Variants in ACSL3 observed in about 807,000 individuals in gnomAD.
ACSL3 encodes the protein fatty acid CoA ligase Acsl3.
A neutral mutation model predicts 84.7 loss-of-function variants in ACSL3; 34 were observed. The ratio of observed to expected loss-of-function variants is 0.40; its 90% confidence interval spans 0.31 to 0.53. The LOEUF (loss-of-function observed/expected upper bound fraction) is 0.53. ACSL3 is among the 20% of genes least tolerant of loss of function. ACSL3 has a pLI of 0.48. For missense variants in ACSL3, 680 were observed against 873.1 expected (o/e 0.78, Z 2.79); for synonymous variants, 315 against 299.4 (o/e 1.05, Z -0.54).
chr2:222,915,436 G>A (rs1016219291), intron 4 of ACSL3, among the ~76,000 whole-genome samples: 3 of 152,166 alleles, frequency 2.0e-5, no homozygotes, highest in African/African-American at 2.4e-5. Flanking sequence ...ATGGTCAGAT[G>A]ATTTTAAGGT....
In ACSL3 at chr2:222,908,833, ATTC is replaced by A; in HGVS notation, c.64_66del (p.Leu23del). On this transcript the variant is annotated inframe_deletion, in exon 4 of 17. Transcript: ENST00000357430. ...GAAGCTAAAACATACCATCAACCCT[ATTC>A]TTTTATATTTTATACATTTTCTAAT... The A allele has an allele frequency of 6.2e-7, 1 of 1,604,202 alleles. No individual in the cohort carries two copies. Among genetic ancestry groups the A allele is most frequent in the Non-Finnish European group, 8.5e-7 (1 of 1,174,418 alleles).
At chr2:222,936,937 G>GAA (rs1004111285) in intron 16 of ACSL3, among the ~76,000 whole-genome samples, 81 of 152,168 alleles carry the variant, frequency 5.3e-4, no homozygotes, top group African/African-American at 1.8e-3. Flanking sequence ...ACCATCACGA[G>GAA]AACAACATGG....
Position 222,933,261 on chromosome 2 carries a change from A to G in ACSL3, c.1828A>G (p.Ile610Val). ...GAAGAATCTTCCACTAGTAGATAAC[A>G]TTTGTGCATATGCAAACAGGTAAGA... ...ALKNLPLVDN[I>V]CAYANSYHSY... The change falls in exon 15 of 17, where the codon ATT (isoleucine) becomes GTT (valine). Residue 610 changes from isoleucine (I) to valine (V), a missense_variant. By Grantham distance (29) the Ile-to-Val change is conservative (BLOSUM62 3). Coordinates refer to ENST00000357430, the MANE Select transcript of ACSL3 (RefSeq NM_004457.5). The G allele has an allele frequency of 6.2e-7, 1 of 1,612,010 alleles. No homozygotes were observed. Among genetic ancestry groups the G allele is most frequent in the Non-Finnish European group, 8.5e-7 (1 of 1,178,686 alleles).
chr2:222,929,163 G>GT (rs1277726722), intron 13 of ACSL3, among the ~76,000 whole-genome samples: 1 of 152,150 alleles, frequency 6.6e-6, no homozygotes, highest in Non-Finnish European at 1.5e-5. Flanking sequence ...GTAGATGCAA[G>GT]TAAGAATTAT....
At chr2:222,903,135 G>A (rs1469346989) in intron 3 of ACSL3, among the ~76,000 whole-genome samples, 4 of 152,112 alleles carry the variant, frequency 2.6e-5, no homozygotes, top group Non-Finnish European at 2.9e-5. Flanking sequence ...AAAATTGAAG[G>A]TTGATTTTCT....
intron 11 of ACSL3, among the ~76,000 whole-genome samples, chr2:222,926,764 A>G (rs1217136657): frequency 3.9e-5 from 6 of 152,214 alleles, no homozygotes; most frequent in African/African-American, 1.4e-4. Context: ...GTCACTATAC[A>G]AAACTAAACC....
intron 7 of ACSL3, among the ~76,000 whole-genome samples, chr2:222,919,825 TTGAG>T (rs1183810324): frequency 2.6e-5 from 4 of 152,188 alleles, no homozygotes; most frequent in Admixed American, 1.3e-4. Context: ...CACCTGGAAT[TTGAG>T]TGGTAGTGGG....
intron 2 of ACSL3, among the ~76,000 whole-genome samples, chr2:222,894,843 A>G (rs1695932803): frequency 6.6e-6 from 1 of 152,122 alleles, no homozygotes; most frequent in Middle Eastern, 3.2e-3. Flanking sequence ...CAATGGGTAT[A>G]TATGTTTTTC....
In ACSL3 at chr2:222,928,714, G is replaced by T. The variant is rs551661042; in HGVS notation, c.1466-148G>T. 4.6e-4 allele frequency: 321 copies of T among 699,926 alleles called. 1 individual carries two copies. Among genetic ancestry groups the T allele is most frequent in the South Asian group, 1.5e-3 (82 of 54,974 alleles). 43.4% of individuals were successfully genotyped at this position (699,926 alleles called of 1,614,324 possible). ...TACGACTCTACAGGCCTCACGGCCT[G>T]TGCTTCACCAATATGTGACTTCTGC... On this transcript the variant is annotated intron_variant, in intron 12 of 16. Transcript: ENST00000357430.
At chr2:222,935,272 C>G (rs776159678) in intron 16 of ACSL3, among the ~76,000 whole-genome samples, 5 of 152,134 alleles carry the variant, frequency 3.3e-5, no homozygotes, top group Admixed American at 6.5e-5. Context: ...TTACTGCAGC[C>G]TTGAACTCCC....
intron 14 of ACSL3, among the ~76,000 whole-genome samples, chr2:222,931,049 C>A (rs142833127): frequency 1.2e-4 from 18 of 152,172 alleles, no homozygotes; most frequent in African/African-American, 4.3e-4. Flanking sequence ...TCTTAGATAA[C>A]CTTCAGTCAT....
intron 16 of ACSL3, among the ~76,000 whole-genome samples, chr2:222,937,851 A>G (rs1012976022): frequency 2.6e-5 from 4 of 151,836 alleles, no homozygotes; most frequent in Admixed American, 2.6e-4. Flanking sequence ...TATTTTCTGT[A>G]TATCTTGTAG....
intron 13 of ACSL3, among the ~76,000 whole-genome samples, chr2:222,930,401 C>T (rs1477535045): frequency 2.0e-5 from 3 of 151,964 alleles, no homozygotes; most frequent in Non-Finnish European, 1.5e-5. Context: ...TAATTTTTTT[C>T]TCAGAATAGA....
At chr2:222,939,921 T>C (rs1381597586) in intron 16 of ACSL3, among the ~76,000 whole-genome samples, 2 of 152,232 alleles carry the variant, frequency 1.3e-5, no homozygotes, top group East Asian at 3.8e-4. Context: ...CATTTCCCTT[T>C]GTTAGATTGC....
chr2:222,883,229 G>A (rs1310200966), intron 1 of ACSL3, among the ~76,000 whole-genome samples: 1 of 147,700 alleles, frequency 6.8e-6, no homozygotes, highest in Non-Finnish European at 1.5e-5. Flanking sequence ...TGCCCAGGCT[G>A]GAGTATAGTG....
intron 3 of ACSL3, among the ~76,000 whole-genome samples, chr2:222,903,194 G>T (rs1205259209): frequency 2.0e-5 from 3 of 152,154 alleles, no homozygotes; most frequent in African/African-American, 7.2e-5. Flanking sequence ...CCGGAGTGCA[G>T]TGGCATGATC....
rs535728423 is a variant in ACSL3, at chr2:222,898,090, AG to A, written c.-147-2583del. Among the ~76,000 whole-genome samples, 43 of 152,302 alleles carry A rather than the reference AG, an allele frequency of 2.8e-4. No individual in the cohort carries two copies. The South Asian group carries it at 8.9e-3, about 32-fold the overall frequency. ...TGGAGACCTTCACATTATCAAAACC[AG>A]TGTTTAACTCTCAGGCTTCCTCTTT... On this transcript the variant is annotated intron_variant, in intron 2 of 16. Coordinates refer to ENST00000357430, the MANE Select transcript of ACSL3 (RefSeq NM_004457.5).
In ACSL3 at chr2:222,933,161, T is replaced by C. The variant is rs897530200; in HGVS notation, c.1733-5T>C. The C allele has an allele frequency of 1.3e-6, 2 of 1,593,918 alleles. No homozygotes were observed. Among genetic ancestry groups the C allele is most frequent in the Non-Finnish European group, 8.6e-7 (1 of 1,162,854 alleles). Reference sequence around the variant, plus strand: ...TTCCCCTCTCCACCTTTCTTTGTTTTGCAGATCGTAAAAAGGACCTTGTAA... The same window carrying C: ...TTCCCCTCTCCACCTTTCTTTGTTTCGCAGATCGTAAAAAGGACCTTGTAA... On this transcript the variant is annotated splice_region_variant and splice_polypyrimidine_tract_variant and intron_variant, in intron 14 of 16. Transcript: ENST00000357430.
chr2:222,916,752 T>C (rs1010377454), intron 5 of ACSL3: 1 of 289,560 alleles, frequency 3.5e-6, no homozygotes, highest in Non-Finnish European at 6.3e-6. Flanking sequence ...AGACCTACAC[T>C]TAGGGGCCGT....
Sources: gnomAD v4.1 joint callset for allele counts (sites outside exome capture counted in the v4.1 genomes callset) on GRCh38, gnomAD v4.1.1 for gene constraint, MANE v1.5 for transcripts, NCBI Gene and HGNC (gene_info 2026-07-23, HGNC 2026-07-21) for gene names.